The following CDK17 variants were observed in gnomAD, a reference collection of about 807,000 sequenced individuals.
CDK17 encodes cyclin dependent kinase 17, also known as cyclin-dependent kinase 17.
Under a neutral mutation model 77.6 loss-of-function variants are expected in CDK17, and 24 were observed. That is an observed-to-expected ratio of 0.31 (90% CI 0.22 to 0.44). CDK17 has a LOEUF of 0.44. Among genes scored for constraint, CDK17 ranks in the 20% least tolerant of loss-of-function variants. The pLI is 1.00. For synonymous variants in CDK17, 203 were observed against 210.4 expected (o/e 0.96, Z 0.30); for missense variants, 429 against 622.5 (o/e 0.69, Z 3.31).
chr12:96,295,323 C>G, intron 9 of CDK17: 1 of 369,694 alleles, frequency 2.7e-6, no homozygotes, highest in South Asian at 7.1e-5. Flanking sequence ...CTATTTGAAG[C>G]ATCTACCTAT....
intron 1 of CDK17, among the ~76,000 whole-genome samples, chr12:96,340,119 A>T (rs1165243654): frequency 6.6e-6 from 1 of 151,862 alleles, no homozygotes; most frequent in Non-Finnish European, 1.5e-5. Flanking sequence ...TATATGCTCT[A>T]TGTCAGCATG....
chr12:96,383,175 A>G (rs1953914293), intron 1 of CDK17, among the ~76,000 whole-genome samples: 1 of 152,154 alleles, frequency 6.6e-6, no homozygotes. Flanking sequence ...CCCCCCAAAA[A>G]ATGAAGTGCC....
intron 10 of CDK17, among the ~76,000 whole-genome samples, chr12:96,290,823 C>T (rs978766263): frequency 5.3e-5 from 8 of 152,060 alleles, no homozygotes; most frequent in African/African-American, 1.9e-4. Flanking sequence ...GAGAGGATTC[C>T]GAACTATGGT....
chr12:96,338,666 C>G (rs915051799), intron 1 of CDK17, among the ~76,000 whole-genome samples: 3 of 152,054 alleles, frequency 2.0e-5, no homozygotes, highest in Non-Finnish European at 4.4e-5. Flanking sequence ...GCTGGGATTA[C>G]AGGCATGAGA....
intron 9 of CDK17, among the ~76,000 whole-genome samples, chr12:96,295,616 C>G (rs1592709948): frequency 6.6e-6 from 1 of 152,046 alleles, no homozygotes; most frequent in Admixed American, 6.6e-5. Context: ...TATGAAAAGT[C>G]TGAGGTATCA....
chr12:96,354,595 T>C (rs1953366124), intron 1 of CDK17, among the ~76,000 whole-genome samples: 1 of 152,132 alleles, frequency 6.6e-6, no homozygotes, highest in South Asian at 2.1e-4. Context: ...GTTTAGAGCA[T>C]CCAACTGGGC....
chr12:96,303,583 T>C (rs748716538), intron 5 of CDK17: 4 of 152,174 alleles, frequency 2.6e-5, no homozygotes, highest in African/African-American at 4.8e-5. Context: ...TTTTTTCTGA[T>C]ATTTCACTGT....
intron 10 of CDK17, among the ~76,000 whole-genome samples, chr12:96,291,122 CAA>C (rs34053593): frequency 0.25 from 32,520 of 131,660 alleles, 4,277 homozygotes; most frequent in Middle Eastern, 0.35. Flanking sequence ...ACTATGCAAC[CAA>C]AAAAAAAAAA....
intron 1 of CDK17, among the ~76,000 whole-genome samples, chr12:96,354,014 A>G (rs192005760): frequency 1.4e-3 from 212 of 152,342 alleles, no homozygotes; most frequent in African/African-American, 4.8e-3. Context: ...CAGAAACTTG[A>G]CGAATACTTA....
chr12:96,308,162 A>G (rs1421383494), intron 5 of CDK17, among the ~76,000 whole-genome samples: 1 of 151,056 alleles, frequency 6.6e-6, no homozygotes, highest in Non-Finnish European at 1.5e-5. Flanking sequence ...CGGGAAACCA[A>G]TGCAGAAGGA....
intron 3 of CDK17, among the ~76,000 whole-genome samples, chr12:96,314,600 G>A (rs1952684551): frequency 6.6e-6 from 1 of 152,154 alleles, no homozygotes; most frequent in Non-Finnish European, 1.5e-5. Flanking sequence ...ACAGGCATGA[G>A]CCACCACATC....
intron 13 of CDK17, 75 bp from the exon 14 acceptor site, chr12:96,283,720 A>G (rs1279985952): frequency 2.1e-6 from 2 of 965,476 alleles, no homozygotes; most frequent in East Asian, 2.4e-5. Flanking sequence ...ACTATTTTCT[A>G]AGTGTTTTAA....
At chr12:96,300,383 TG>T in intron 5 of CDK17, 23 bp from the exon 6 acceptor site, 1 of 1,449,444 alleles carries the variant, frequency 6.9e-7, no homozygotes, top group Non-Finnish European at 9.5e-7. Context: ...CAATGAAAAA[TG>T]TAGTATTTAC....
At chr12:96,374,818 T>C (rs12815858) in intron 1 of CDK17, among the ~76,000 whole-genome samples, 1 of 152,190 alleles carries the variant, frequency 6.6e-6, no homozygotes, top group Non-Finnish European at 1.5e-5. Flanking sequence ...AACAACACAA[T>C]GCTACAGCCA....
chr12:96,344,781 T>C (rs10777787), intron 1 of CDK17, among the ~76,000 whole-genome samples: 68,843 of 151,812 alleles, frequency 0.45, 16,174 homozygotes, highest in East Asian at 0.85. Flanking sequence ...TAACGCACTT[T>C]TGGTTTTTAA....
At chr12:96,304,061 G>A (rs1171058026) in intron 5 of CDK17, among the ~76,000 whole-genome samples, 4 of 152,140 alleles carry the variant, frequency 2.6e-5, no homozygotes, top group Non-Finnish European at 4.4e-5. Flanking sequence ...TAAAAGTTAC[G>A]TGAATGCAGT....
intron 1 of CDK17, among the ~76,000 whole-genome samples, chr12:96,352,189 G>C (rs911097191): frequency 6.6e-6 from 1 of 152,072 alleles, no homozygotes; most frequent in Non-Finnish European, 1.5e-5. Flanking sequence ...TTCCCAATAG[G>C]ATCCCTTCCA....
At chr12:96,280,966 A>G in intron 15 of CDK17, 81 bp from the exon 16 acceptor site, 1 of 1,132,270 alleles carries the variant, frequency 8.8e-7, no homozygotes, top group South Asian at 1.5e-5. Context: ...AATGTTTATA[A>G]AGCATATACT....
Position 96,283,477 on chromosome 12 carries a change from T to A in CDK17, c.1365+126A>T, listed in dbSNP as rs1043162915. ...TTTTTTTTTTTTTAACTTAAACATG[T>A]GCCTTAAGCATAGATAATTTTATTT... On this transcript the variant is annotated intron_variant, in intron 14 of 16. Transcript: ENST00000261211. 2.8e-5 allele frequency: 19 copies of A among 677,728 alleles called. No homozygotes were observed. In the African/African-American group the frequency reaches 3.6e-4, roughly 13 times the overall value. 42.0% of individuals were successfully genotyped at this position (677,728 alleles called of 1,614,324 possible).
Sources: gnomAD v4.1 joint callset for allele counts (sites outside exome capture counted in the v4.1 genomes callset) on GRCh38, gnomAD v4.1.1 for gene constraint, MANE v1.5 for transcripts, NCBI Gene and HGNC (gene_info 2026-07-23, HGNC 2026-07-21) for gene names.